Variants in OR6Y1 observed in about 807,000 individuals in gnomAD.
The protein encoded by OR6Y1 is olfactory receptor family 6 subfamily Y member 1, also known as olfactory receptor 6Y1.
In OR6Y1, 1 loss-of-function variant was observed where a neutral mutation model predicts 0.4. The observed-to-expected ratio is 2.74, with a 90% CI of 0.97 to 13.02. The LOEUF (loss-of-function observed/expected upper bound fraction) is 13.02, where lower values mean the gene tolerates loss of function less well. Among genes scored for constraint, OR6Y1 ranks in the 30% most tolerant of loss-of-function variants. The probability of loss-of-function intolerance (pLI) is 0.12; values close to 1 mark genes in which losing one functional copy is unlikely to be tolerated. For missense variants in OR6Y1, 480 were observed against 399.8 expected (o/e 1.20, Z -1.71); for synonymous variants, 173 against 141.1 (o/e 1.23, Z -1.60).
rs575698892 is a variant in OR6Y1, at chr1:158,553,463, A to G, written c.-1433+803T>C. Among the ~76,000 whole-genome samples the G allele has an allele frequency of 1.3e-4, 20 of 152,276 alleles. No homozygotes were observed. In the South Asian group the frequency reaches 4.1e-3, roughly 32 times the overall value. On this transcript the variant is annotated intron_variant, in intron 1 of 1. Coordinates refer to ENST00000641622, the MANE Select transcript of OR6Y1 (RefSeq NM_001005189.2). ...GCAATTGTCAATGTTTGAGATGATG[A>G]ATATGCTAATTACTCTGATCTGATC...
Position 158,548,167 on chromosome 1 carries a change from A to T in OR6Y1, c.-62T>A. ...ATGACACAAGCACTAGTCTATGGTT[A>T]TTTGTATTGATAGAGCCCACCACCA... On this transcript the variant is annotated 5_prime_UTR_variant, in exon 2 of 2. Coordinates refer to ENST00000641622, the MANE Select transcript of OR6Y1 (RefSeq NM_001005189.2). 2.0e-6 allele frequency: 3 copies of T among 1,518,456 alleles called. No individual in the cohort carries two copies. Among genetic ancestry groups the T allele is most frequent in the Non-Finnish European group, 2.6e-6 (3 of 1,132,176 alleles). The allele number at this position is 1,518,456 out of a possible 1,614,324, so 94.1% of individuals were successfully genotyped here. A position where few individuals can be genotyped will look rare whatever the true frequency, so the allele number is the denominator to read the frequency against.
chr1:158,547,174 T>C lies in OR6Y1; in HGVS notation c.932A>G (p.His311Arg). 6.2e-7 allele frequency: 1 copy of C among 1,613,504 alleles called. No homozygotes were observed. The highest frequency in any genetic ancestry group is 8.5e-7 in the Non-Finnish European group (1 of 1,179,908). Residue 311 changes from histidine to arginine, a missense_variant, in exon 2 of 2, where the codon CAT becomes CGT. His to Arg is a conservative substitution (Grantham distance 29). Coordinates refer to ENST00000641622, the MANE Select transcript of OR6Y1 (RefSeq NM_001005189.2). ...TCCCTGGGGCCCACTTCCTCTGCAA[T>C]GTATGGTCTTTCTGAGGGCTGCCTT... ...EVKAALRKTIHCRGSGPQGNG... is the reference protein window; with the variant it reads ...EVKAALRKTIRCRGSGPQGNG...
At position 158,548,214 on chromosome 1, in the gene OR6Y1, G is replaced by C; in HGVS notation, c.-109C>G. On this transcript the variant is annotated 5_prime_UTR_variant, in exon 2 of 2. Transcript: ENST00000641622. The stretch of plus-strand genomic sequence containing the variant: ...ACCAGCAAATTTATCACAATAGGAG[G>C]TTTCTGCTTTTTTATCTTACTGCCT... 8.6e-7 allele frequency: 1 copy of C among 1,158,484 alleles called. No homozygotes were observed. Among genetic ancestry groups the C allele is most frequent in the Non-Finnish European group, 1.2e-6 (1 of 828,384 alleles). 71.8% of individuals were successfully genotyped at this position (1,158,484 alleles called of 1,614,324 possible). A position where few individuals can be genotyped will look rare whatever the true frequency, so the allele number is the denominator to read the frequency against.
chr1:158,547,820 T>C lies in OR6Y1; in HGVS notation c.286A>G (p.Ser96Gly), dbSNP rs778445640. 45 of 1,613,446 alleles carry C rather than the reference T, an allele frequency of 2.8e-5. No individual in the cohort carries two copies. The highest frequency in any genetic ancestry group is 3.7e-5 in the Non-Finnish European group (44 of 1,180,008). Residue 96 changes from serine to glycine, a missense_variant, in exon 2 of 2, where the codon AGT (serine) becomes GGT (glycine). Transcript: ENST00000641622. ...GTCATGCAGCCATTGAAGGAAATAC[T>C]CTTGTCATGACTGAGGAAGTCAACA... ...MLVDFLSHDK[S>G]ISFNGCMTQL...
In OR6Y1 at chr1:158,547,649, A is replaced by C. The variant is rs1366470640; in HGVS notation, c.457T>G (p.Cys153Gly). 6.2e-7 allele frequency: 1 copy of C among 1,613,392 alleles called. No individual in the cohort carries two copies. Among genetic ancestry groups the C allele is most frequent in the Non-Finnish European group, 8.5e-7 (1 of 1,179,996 alleles). ...NQLCGTLAGG[C>G]WFCGLMTAMI... The stretch of plus-strand genomic sequence containing the variant: ...GCAGTCATGAGTCCACAGAACCAGC[A>C]TCCTCCAGCCAGTGTGCCACAGAGC... The change falls in exon 2 of 2, where the codon TGC becomes GGC. Residue 153 changes from cysteine to glycine, a missense_variant. By Grantham distance (159) the Cys-to-Gly change is radical. Coordinates refer to ENST00000641622, the MANE Select transcript of OR6Y1 (RefSeq NM_001005189.2).
rs1228338635 is a variant in OR6Y1 at position 158,547,326 on chromosome 1, T to C, written c.780A>G (p.Thr260=). 1.2e-6 allele frequency: 2 copies of C among 1,613,420 alleles called. No individual in the cohort carries two copies. Among genetic ancestry groups the C allele is most frequent in the Admixed American group, 1.7e-5 (1 of 59,976 alleles). Residue 260 remains threonine, a synonymous_variant, in exon 2 of 2, where the codon ACA becomes ACG. Coordinates refer to ENST00000641622, the MANE Select transcript of OR6Y1 (RefSeq NM_001005189.2). Reference sequence around the variant, plus strand: ...GTTTGGGACGGGCATAGGTGAAAAGTGTCATGGAATAGAAGAGAATTACGA... The same window carrying C: ...GTTTGGGACGGGCATAGGTGAAAAGCGTCATGGAATAGAAGAGAATTACGA... ...LTVVILFYSM[T]LFTYARPKLM...
rs923769308 is a variant in OR6Y1, at chr1:158,549,059, A to C, written c.-954T>G. 4 of 151,694 alleles carry C rather than the reference A, an allele frequency of 2.6e-5. No individual in the cohort carries two copies. Among genetic ancestry groups the C allele is most frequent in the Non-Finnish European group, 5.9e-5 (4 of 68,034 alleles). The allele number at this position is 151,694 out of a possible 1,614,324, so 9.4% of individuals were successfully genotyped here. A position where few individuals can be genotyped will look rare whatever the true frequency, so the allele number is the denominator to read the frequency against. On this transcript the variant is annotated 5_prime_UTR_variant, in exon 2 of 2. Transcript: ENST00000641622. ...ACCCCAACTTCAACCCCTGCCAAAA[A>C]CAGCAAAAAACTGGTGCAAACAGCA...
intron 1 of OR6Y1, among the ~76,000 whole-genome samples, chr1:158,550,052 T>G (rs1389163999): frequency 6.6e-6 from 1 of 151,776 alleles, no homozygotes; most frequent in African/African-American, 2.4e-5. Flanking sequence ...TCCTTGGGCT[T>G]AATCTTTGTG....
chr1:158,549,645 A>G (rs971287630), intron 1 of OR6Y1, 108 bp from the exon 2 acceptor site: 1 of 151,720 alleles, frequency 6.6e-6, no homozygotes, highest in Non-Finnish European at 1.5e-5. Context: ...AAATGCAAAT[A>G]ATTTTCTTTT....
In OR6Y1 at chr1:158,547,767, GACAAAGGTC is replaced by G; in HGVS notation, c.330_338del (p.Thr111_Val113del). On this transcript the variant is annotated inframe_deletion, in exon 2 of 2. Transcript: ENST00000641622. ...TAGCAAGAAGGATGTACTCAGTGCAGACAAAGGTCACAAAAAAGTAAAGTTGAGTCATGC... is the reference window on the plus strand; with the variant it reads ...TAGCAAGAAGGATGTACTCAGTGCAGACAAAAAAGTAAAGTTGAGTCATGC... 6.2e-7 allele frequency: 1 copy of G among 1,613,562 alleles called. No individual in the cohort carries two copies. Among genetic ancestry groups the G allele is most frequent in the Non-Finnish European group, 8.5e-7 (1 of 1,180,008 alleles).
In OR6Y1 at chr1:158,547,899, G is replaced by A. The variant is rs765074572; in HGVS notation, c.207C>T (p.Ser69=). The A allele has an allele frequency of 3.7e-6, 6 of 1,613,472 alleles. No homozygotes were observed. In the South Asian group the frequency reaches 6.6e-5, roughly 18 times the overall value. The change falls in exon 2 of 2, where the codon AGC becomes AGT. Residue 69 remains serine (S), a synonymous_variant. Coordinates refer to ENST00000641622, the MANE Select transcript of OR6Y1 (RefSeq NM_001005189.2). Reference sequence around the variant, plus strand: ...ACCACATCTCCAGGAAGGAGAGGTGGCTCAAGAAGAAGTACATGGGCTTAT... The same window carrying A: ...ACCACATCTCCAGGAAGGAGAGGTGACTCAAGAAGAAGTACATGGGCTTAT... ...QLHKPMYFFL[S]HLSFLEMWYV...
chr1:158,552,751 T>C (rs1647735600), intron 1 of OR6Y1, among the ~76,000 whole-genome samples: 1 of 152,132 alleles, frequency 6.6e-6, no homozygotes, highest in South Asian at 2.1e-4. Flanking sequence ...GTGCTCAATC[T>C]AGTCTTCTAC....
Position 158,546,103 on chromosome 1 carries a change from T to G in OR6Y1, c.*1025A>C, listed in dbSNP as rs1001478783. ...GCTCTCTGCCCTGTGTGTGTGCACA[T>G]TGTCTTTCCTCTGTGTGTGTCTGTG... On this transcript the variant is annotated 3_prime_UTR_variant, in exon 2 of 2. Coordinates refer to ENST00000641622, the MANE Select transcript of OR6Y1 (RefSeq NM_001005189.2). 1 of 152,246 alleles carries G rather than the reference T, an allele frequency of 6.6e-6. No homozygotes were observed. The highest frequency in any genetic ancestry group is 6.5e-5 in the Admixed American group (1 of 15,284). 9.4% of individuals were successfully genotyped at this position (152,246 alleles called of 1,614,324 possible).
rs1647473110 is a variant in OR6Y1, at chr1:158,544,862, G to C, written c.*2266C>G. ...CCATCCATGTTCCCGGAAAGGACAT[G>C]ATCTAATTTTTTTTTATGGCTGCAT... On this transcript the variant is annotated 3_prime_UTR_variant, in exon 2 of 2. Transcript: ENST00000641622. 1 of 152,020 alleles carries C rather than the reference G, an allele frequency of 6.6e-6. No individual in the cohort carries two copies. Among genetic ancestry groups the C allele is most frequent in the Non-Finnish European group, 1.5e-5 (1 of 68,036 alleles). The allele number at this position is 152,020 out of a possible 1,614,324, so 9.4% of individuals were successfully genotyped here.
At position 158,549,158 on chromosome 1, in the gene OR6Y1, T is replaced by C. The variant is rs1273833470; in HGVS notation, c.-1053A>G. 6.6e-6 allele frequency: 1 copy of C among 151,748 alleles called. No homozygotes were observed. Among genetic ancestry groups the C allele is most frequent in the African/African-American group, 2.4e-5 (1 of 41,052 alleles). 9.4% of individuals were successfully genotyped at this position (151,748 alleles called of 1,614,324 possible). A position where few individuals can be genotyped will look rare whatever the true frequency, so the allele number is the denominator to read the frequency against. Reference sequence around the variant, plus strand: ...TAATAAATTTAAAAACTGTAATCTGTTGGGAGTAATATCAGAGAAAACAAG... The same window carrying C: ...TAATAAATTTAAAAACTGTAATCTGCTGGGAGTAATATCAGAGAAAACAAG... On this transcript the variant is annotated 5_prime_UTR_variant, in exon 2 of 2. Coordinates refer to ENST00000641622, the MANE Select transcript of OR6Y1 (RefSeq NM_001005189.2).
In OR6Y1 at chr1:158,554,285, C is replaced by A. The variant is rs1049702503; in HGVS notation, c.-1452G>T. 55 of 152,286 alleles carry A rather than the reference C, an allele frequency of 3.6e-4. 1 individual carries two copies. The highest frequency in any genetic ancestry group is 1.2e-3 in the African/African-American group (48 of 41,562). The allele number at this position is 152,286 out of a possible 1,614,324, so 9.4% of individuals were successfully genotyped here. A position where few individuals can be genotyped will look rare whatever the true frequency, so the allele number is the denominator to read the frequency against. On this transcript the variant is annotated 5_prime_UTR_variant, in exon 1 of 2. Coordinates refer to ENST00000641622, the MANE Select transcript of OR6Y1 (RefSeq NM_001005189.2). ...ACTCACCATTTTCTCAGGAATATAACCCTTTTCCCACCTAGCTTTATCAAA... is the reference window on the plus strand; with the variant it reads ...ACTCACCATTTTCTCAGGAATATAAACCTTTTCCCACCTAGCTTTATCAAA...
At position 158,549,436 on chromosome 1, in the gene OR6Y1, T is replaced by C. The variant is rs1389140360; in HGVS notation, c.-1331A>G. 5.9e-5 allele frequency: 2 copies of C among 33,874 alleles called. No homozygotes were observed. The highest frequency in any genetic ancestry group is 4.9e-4 in the Admixed American group (2 of 4,100). The allele number at this position is 33,874 out of a possible 1,614,324, so 2.1% of individuals were successfully genotyped here. A position where few individuals can be genotyped will look rare whatever the true frequency, so the allele number is the denominator to read the frequency against. On this transcript the variant is annotated 5_prime_UTR_variant, in exon 2 of 2. Transcript: ENST00000641622. ...AATATGTAGGACAACTAGGGGATGG[T>C]TTTTTTTTTTTTTTAAGGAATGATC...
chr1:158,546,886 T>G lies in OR6Y1; in HGVS notation c.*242A>C. On this transcript the variant is annotated 3_prime_UTR_variant, in exon 2 of 2. Transcript: ENST00000641622. Reference sequence around the variant, plus strand: ...CTGTCTCTCTCTCTGTGTTTCTTCCTGATTTCAAATAGCTTTTCTAACATT... The same window carrying G: ...CTGTCTCTCTCTCTGTGTTTCTTCCGGATTTCAAATAGCTTTTCTAACATT... 1 of 349,338 alleles carries G rather than the reference T, an allele frequency of 2.9e-6. No individual in the cohort carries two copies. The highest frequency in any genetic ancestry group is 4.8e-5 in the South Asian group (1 of 20,670). 21.6% of individuals were successfully genotyped at this position (349,338 alleles called of 1,614,324 possible). A position where few individuals can be genotyped will look rare whatever the true frequency, so the allele number is the denominator to read the frequency against.
chr1:158,547,408 A>G lies in OR6Y1; in HGVS notation c.698T>C (p.Ile233Thr). The G allele has an allele frequency of 6.2e-7, 1 of 1,613,620 alleles. No homozygotes were observed. The highest frequency in any genetic ancestry group is 8.5e-7 in the Non-Finnish European group (1 of 1,180,006). ...CTTTTGGCGGCCCTGAGCAGAAGGG[A>G]TCCTGAGGATGGTGGCAAGGATAGC... ...YAAILATILR[I>T]PSAQGRQKAF... The change falls in exon 2 of 2, where the codon ATC becomes ACC. Residue 233 changes from isoleucine (I) to threonine (T), a missense_variant. Ile to Thr is a moderately conservative substitution (Grantham distance 89). Coordinates refer to ENST00000641622, the MANE Select transcript of OR6Y1 (RefSeq NM_001005189.2).
Sources: allele counts gnomAD v4.1 joint callset (sites outside exome capture counted in the v4.1 genomes callset), GRCh38; gene constraint gnomAD v4.1.1; transcripts MANE v1.5; gene names NCBI Gene and HGNC (gene_info 2026-07-23, HGNC 2026-07-21).